The following GAS7 variants were observed in gnomAD, a reference collection of about 807,000 sequenced individuals.
GAS7 encodes the protein growth arrest specific 7.
In GAS7, 28 loss-of-function variants were observed where a neutral mutation model predicts 71.1. That is an observed-to-expected ratio of 0.39 (90% CI 0.29 to 0.54). The LOEUF (loss-of-function observed/expected upper bound fraction) is 0.54. GAS7 is among the 20% of genes least tolerant of loss of function. The pLI, the probability that GAS7 is intolerant of heterozygous loss-of-function variation, is 0.62. For missense variants in GAS7, 436 were observed against 627.8 expected, an observed-to-expected ratio of 0.69 and a Z score of 3.27; for synonymous variants, 258 against 245.8, an observed-to-expected ratio of 1.05 and a Z score of -0.46.
chr17:10,036,567 C>G, intron 1 of GAS7: 1 of 1,550,222 alleles, frequency 6.5e-7, no homozygotes, highest in East Asian at 2.3e-5. Flanking sequence ...GGAAATGGGG[C>G]TGAGGCAAGT....
intron 1 of GAS7, among the ~76,000 whole-genome samples, chr17:10,166,253 G>A (rs1370417956): frequency 6.6e-6 from 1 of 151,960 alleles, no homozygotes; most frequent in Admixed American, 6.6e-5. Flanking sequence ...CGAACTCCTG[G>A]CCTAAGCAAT....
chr17:10,150,531 A>T (rs2074156874), intron 1 of GAS7, among the ~76,000 whole-genome samples: 1 of 151,506 alleles, frequency 6.6e-6, no homozygotes, highest in African/African-American at 2.4e-5. Flanking sequence ...TGTTGAATGA[A>T]CACCTATGAG....
chr17:9,992,017 G>C (rs4791381), intron 2 of GAS7, among the ~76,000 whole-genome samples: 16,590 of 152,138 alleles, frequency 0.11, 1,394 homozygotes, highest in African/African-American at 0.24. Context: ...CTGGTGCCCA[G>C]ACCTCACACC....
intron 1 of GAS7, among the ~76,000 whole-genome samples, chr17:10,133,582 T>C (rs1321406861): frequency 2.0e-5 from 3 of 152,182 alleles, no homozygotes; most frequent in South Asian, 4.1e-4. Flanking sequence ...TCCACTCTTT[T>C]AGCAATTTTT....
intron 1 of GAS7, among the ~76,000 whole-genome samples, chr17:10,053,802 C>G (rs1177768760): frequency 6.6e-6 from 1 of 152,182 alleles, no homozygotes; most frequent in Non-Finnish European, 1.5e-5. Flanking sequence ...CCTCTCTCCC[C>G]CATGGGTCTT....
intron 1 of GAS7, 125 bp downstream of exon 1, chr17:10,198,083 A>C: frequency 1.2e-6 from 1 of 865,050 alleles, no homozygotes; most frequent in Non-Finnish European, 1.8e-6. Flanking sequence ...TAGCGCCGGC[A>C]AGGGCTGCCC....
intron 1 of GAS7, among the ~76,000 whole-genome samples, chr17:10,068,327 T>G (rs1263819699): frequency 6.6e-6 from 1 of 152,162 alleles, no homozygotes; most frequent in Non-Finnish European, 1.5e-5. Flanking sequence ...GATGACCCAC[T>G]GACCCAGATG....
chr17:10,176,321 G>A (rs2074373983), intron 1 of GAS7, among the ~76,000 whole-genome samples: 1 of 152,200 alleles, frequency 6.6e-6, no homozygotes, highest in South Asian at 2.1e-4. Context: ...CAAGCCACCT[G>A]GTTGAGTCGG....
chr17:9,926,489 G>C lies in GAS7; in HGVS notation c.1014+152C>G. On this transcript the variant is annotated intron_variant, in intron 10 of 13. Transcript: ENST00000432992. The surrounding 1 kb of genome is among the most constrained non-coding windows in gnomAD (Gnocchi z 5.0). ...GCCCTTGGATGGGTGGGGTGCTCTG[G>C]CGTAGGCACGAGGCTTGGACATCCC... The C allele has an allele frequency of 1.3e-6, 1 of 793,620 alleles. No homozygotes were observed. The highest frequency in any genetic ancestry group is 2.0e-6 in the Non-Finnish European group (1 of 498,214). The allele number at this position is 793,620 out of a possible 1,614,324, so 49.2% of individuals were successfully genotyped here.
chr17:9,937,179 C>T lies in GAS7; in HGVS notation c.807-2935G>A, dbSNP rs147935292. On this transcript the variant is annotated intron_variant, in intron 8 of 13. Transcript: ENST00000432992. ...TGCACACACAGAGTAATGTGTACAC[C>T]TACGAGGCAGTGGCCCTGATGCATG... Among the ~76,000 whole-genome samples, 774 of 152,284 alleles carry T rather than the reference C, an allele frequency of 5.1e-3. 4 individuals are homozygous for T. The highest frequency in any genetic ancestry group is 0.014 in the Middle Eastern group (4 of 294).
Position 9,959,433 on chromosome 17 carries a change from C to T in GAS7, c.472-178G>A. The T allele has an allele frequency of 1.4e-6, 2 of 1,445,854 alleles. No individual in the cohort carries two copies. Among genetic ancestry groups the T allele is most frequent in the Non-Finnish European group, 1.8e-6 (2 of 1,100,122 alleles). The allele number at this position is 1,445,854 out of a possible 1,614,324, so 89.6% of individuals were successfully genotyped here. On this transcript the variant is annotated intron_variant, in intron 4 of 13. Coordinates refer to ENST00000432992, the MANE Select transcript of GAS7 (RefSeq NM_201433.2). The surrounding 1 kb of genome is among the most constrained non-coding windows in gnomAD (Gnocchi z 5.0). ...GGTCTCCCTGACCCCACGCTGTTCC[C>T]ACGCCCAGCTCTCGGGCTGAAGGCG... is the stretch of plus-strand genomic sequence containing the variant.
chr17:10,111,061 A>G (rs2073806869), intron 1 of GAS7, among the ~76,000 whole-genome samples: 1 of 152,228 alleles, frequency 6.6e-6, no homozygotes, highest in Non-Finnish European at 1.5e-5. Context: ...TTTGGTGTCC[A>G]CAACTTGTAG....
At chr17:9,997,259 C>CG (rs1567870373) in intron 2 of GAS7, among the ~76,000 whole-genome samples, 1 of 75,136 alleles carries the variant, frequency 1.3e-5, no homozygotes, top group Non-Finnish European at 2.9e-5. Context: ...GGGGCGGGGG[C>CG]GGTGGAAACA....
At chr17:10,051,685 C>T (rs561203158) in intron 1 of GAS7, among the ~76,000 whole-genome samples, 2 of 152,294 alleles carry the variant, frequency 1.3e-5, no homozygotes, top group South Asian at 2.1e-4. Context: ...TGACCAAGAA[C>T]TGCAAACAAA....
At chr17:10,161,731 A>C (rs2142119467) in intron 1 of GAS7, among the ~76,000 whole-genome samples, 1 of 152,322 alleles carries the variant, frequency 6.6e-6, no homozygotes, top group East Asian at 1.9e-4. Flanking sequence ...TGGATGATGA[A>C]GCCAAATGCA....
At chr17:10,085,459 G>A (rs547471669) in intron 1 of GAS7, among the ~76,000 whole-genome samples, 2 of 152,160 alleles carry the variant, frequency 1.3e-5, no homozygotes, top group East Asian at 1.9e-4. Context: ...CGAGGCGGGC[G>A]GATCACGAGG....
At chr17:10,107,369 C>T (rs917536732) in intron 1 of GAS7, among the ~76,000 whole-genome samples, 2 of 93,034 alleles carry the variant, frequency 2.1e-5, no homozygotes, top group Admixed American at 1.3e-4. Flanking sequence ...CAATGAGACA[C>T]AGGGTTTTAT....
At chr17:9,940,901 C>T (rs2068579288) in intron 7 of GAS7, among the ~76,000 whole-genome samples, 1 of 152,230 alleles carries the variant, frequency 6.6e-6, no homozygotes, top group African/African-American at 2.4e-5. Flanking sequence ...TGTTCACCAC[C>T]TAAGTGGTCC....
At chr17:10,152,905 A>G (rs1352423188) in intron 1 of GAS7, among the ~76,000 whole-genome samples, 1 of 152,004 alleles carries the variant, frequency 6.6e-6, no homozygotes. Context: ...TCAGAAATCA[A>G]TGAGAAACCT....
Sources: gnomAD v4.1 joint callset for allele counts (sites outside exome capture counted in the v4.1 genomes callset) on GRCh38, gnomAD v4.1.1 for gene constraint, Gnocchi (gnomAD v3.1) non-coding constraint, MANE v1.5 for transcripts, NCBI Gene and HGNC (gene_info 2026-07-23, HGNC 2026-07-21) for gene names.